Variants in THSD7B observed in about 807,000 individuals in gnomAD.
The protein encoded by THSD7B is thrombospondin type 1 domain containing 7B.
Under a neutral mutation model 213.6 loss-of-function variants are expected in THSD7B, and 138 were observed. The ratio of observed to expected loss-of-function variants is 0.65; its 90% CI spans 0.56 to 0.74. THSD7B has a LOEUF of 0.74. THSD7B is among the 30% of genes least tolerant of loss of function. THSD7B has a pLI of 0.00. For synonymous variants in THSD7B, 742 were observed against 687.0 expected (o/e 1.08, Z -1.25); for missense variants, 1,931 against 1,991.5 (o/e 0.97, Z 0.58).
At chr2:136,884,357 A>AT (rs1419146944) in intron 2 of THSD7B, among the ~76,000 whole-genome samples, 1 of 152,150 alleles carries the variant, frequency 6.6e-6, no homozygotes, top group East Asian at 1.9e-4. Flanking sequence ...GGTTCCCAGA[A>AT]TCTGGAGAGG....
chr2:137,075,997 C>G (rs1187212691), intron 3 of THSD7B, among the ~76,000 whole-genome samples: 1 of 152,208 alleles, frequency 6.6e-6, no homozygotes, highest in Non-Finnish European at 1.5e-5. Flanking sequence ...TCTGCCCCTA[C>G]TGGGGGGTGC....
chr2:137,372,323 C>CTTTTTTT (rs55635315), intron 12 of THSD7B, among the ~76,000 whole-genome samples: 12 of 57,544 alleles, frequency 2.1e-4, no homozygotes, highest in East Asian at 7.9e-4. Context: ...TGATAATACT[C>CTTTTTTT]TTTTTTTTTT....
chr2:137,215,081 C>T (rs1681205439), intron 7 of THSD7B, among the ~76,000 whole-genome samples: 2 of 152,148 alleles, frequency 1.3e-5, no homozygotes, highest in Admixed American at 1.3e-4. Flanking sequence ...TCTCCACATC[C>T]TCTCCAGCAC....
chr2:137,570,858 T>G (rs1681340321), intron 16 of THSD7B, among the ~76,000 whole-genome samples: 1 of 152,184 alleles, frequency 6.6e-6, no homozygotes, highest in Admixed American at 6.5e-5. Flanking sequence ...TCAAAAATAT[T>G]GACTAAATGA....
At chr2:137,047,196 A>G (rs1686987513) in intron 2 of THSD7B, among the ~76,000 whole-genome samples, 1 of 152,158 alleles carries the variant, frequency 6.6e-6, no homozygotes, top group South Asian at 2.1e-4. Context: ...CCAAGGTTGC[A>G]GGTGGCGGTG....
intron 3 of THSD7B, among the ~76,000 whole-genome samples, chr2:137,091,206 C>T (rs1158689366): frequency 6.6e-6 from 1 of 152,152 alleles, no homozygotes; most frequent in Non-Finnish European, 1.5e-5. Context: ...CTGTTGGAGA[C>T]TTATTATCTG....
At chr2:137,101,787 G>A (rs1369013230) in intron 4 of THSD7B, among the ~76,000 whole-genome samples, 1 of 152,132 alleles carries the variant, frequency 6.6e-6, no homozygotes, top group African/African-American at 2.4e-5. Context: ...GTTCAAACTG[G>A]GTGGAGTCCA....
At chr2:136,912,205 C>G (rs1684270503) in intron 2 of THSD7B, among the ~76,000 whole-genome samples, 1 of 151,204 alleles carries the variant, frequency 6.6e-6, no homozygotes, top group Admixed American at 6.6e-5. Context: ...GCCCATAATC[C>G]CAGCTAGTCA....
intron 1 of THSD7B, among the ~76,000 whole-genome samples, chr2:136,815,724 G>C (rs1682458422): frequency 6.6e-6 from 1 of 152,100 alleles, no homozygotes; most frequent in South Asian, 2.1e-4. Context: ...CCAAAGTTTG[G>C]AAAACAAATT....
chr2:137,482,833 C>T (rs1251551366), intron 15 of THSD7B, among the ~76,000 whole-genome samples: 5 of 152,040 alleles, frequency 3.3e-5, no homozygotes, highest in East Asian at 1.9e-4. Context: ...AGGACAGACA[C>T]GGGTGAGAGG....
At chr2:137,670,741 G>A (rs1683546673) in intron 27 of THSD7B, among the ~76,000 whole-genome samples, 2 of 151,972 alleles carry the variant, frequency 1.3e-5, no homozygotes, top group South Asian at 4.1e-4. Context: ...CTAACACAGT[G>A]AAACCCCGTC....
At chr2:137,059,296 A>C (rs913006168) in intron 3 of THSD7B, among the ~76,000 whole-genome samples, 1 of 152,192 alleles carries the variant, frequency 6.6e-6, no homozygotes, top group Non-Finnish European at 1.5e-5. Context: ...TTAGAGTTTC[A>C]ACATTTGAAT....
chr2:137,318,522 T>C (rs918363303), intron 12 of THSD7B, among the ~76,000 whole-genome samples: 3 of 151,844 alleles, frequency 2.0e-5, no homozygotes, highest in African/African-American at 2.4e-5. Context: ...ATACCCTCAC[T>C]CCCCCGCCCC....
chr2:137,130,690 C>T (rs1016294459), intron 5 of THSD7B, among the ~76,000 whole-genome samples: 2 of 150,978 alleles, frequency 1.3e-5, no homozygotes, highest in African/African-American at 4.9e-5. Flanking sequence ...CATCCATGTC[C>T]CTACAAAGGA....
intron 12 of THSD7B, among the ~76,000 whole-genome samples, chr2:137,350,188 A>C (rs949441189): frequency 1.3e-5 from 2 of 151,774 alleles, no homozygotes; most frequent in African/African-American, 4.8e-5. Flanking sequence ...AAAATAGTCA[A>C]GTCATGTTCT....
intron 7 of THSD7B, among the ~76,000 whole-genome samples, chr2:137,184,303 C>T (rs1680510682): frequency 6.6e-6 from 1 of 152,190 alleles, no homozygotes; most frequent in African/African-American, 2.4e-5. Flanking sequence ...ATAACAAAAT[C>T]TCTTAATGGC....
intron 17 of THSD7B, among the ~76,000 whole-genome samples, chr2:137,599,024 C>G (rs1682023551): frequency 9.0e-6 from 1 of 111,348 alleles, no homozygotes; most frequent in African/African-American, 3.4e-5. Flanking sequence ...CCAATGCTAT[C>G]CCTCCCCCCT....
chr2:137,043,965 C>A (rs1232116311), intron 2 of THSD7B, among the ~76,000 whole-genome samples: 2 of 152,126 alleles, frequency 1.3e-5, no homozygotes, highest in African/African-American at 4.8e-5. Context: ...TAGACTGTAC[C>A]CTTCAGAACA....
intron 1 of THSD7B, among the ~76,000 whole-genome samples, chr2:136,836,870 G>T (rs573004166): frequency 6.6e-6 from 1 of 152,206 alleles, no homozygotes; most frequent in East Asian, 1.9e-4. Context: ...ACCCCTCCAT[G>T]ATCTAGCTCC....
Sources: allele counts gnomAD v4.1 joint callset (sites outside exome capture counted in the v4.1 genomes callset), GRCh38; gene constraint gnomAD v4.1.1; transcripts MANE v1.5; gene names NCBI Gene and HGNC (gene_info 2026-07-23, HGNC 2026-07-21).